The following AGBL1 variants were observed in gnomAD, a reference collection of about 807,000 sequenced individuals.
AGBL1 encodes AGBL carboxypeptidase 1.
Under a neutral mutation model 118.9 loss-of-function variants are expected in AGBL1, and 130 were observed. That is an observed-to-expected ratio of 1.09 (90% CI 0.95 to 1.26). The LOEUF (loss-of-function observed/expected upper bound fraction) is 1.26, where lower values mean the gene tolerates loss of function less well. AGBL1 is among the 50% of genes most tolerant of loss of function. The pLI, the probability that AGBL1 is intolerant of heterozygous loss-of-function variation, is 0.00. For missense variants in AGBL1, 1,584 were observed against 1,298.1 expected, an observed-to-expected ratio of 1.22 and a Z score of -3.38; for synonymous variants, 555 against 478.9, an observed-to-expected ratio of 1.16 and a Z score of -2.08.
chr15:86,976,724 G>A (rs2081179559), intron 23 of AGBL1, among the ~76,000 whole-genome samples: 1 of 151,294 alleles, frequency 6.6e-6, no homozygotes, highest in African/African-American at 2.4e-5. Flanking sequence ...GACAAAATTT[G>A]TAGATTTTTT....
intron 21 of AGBL1, among the ~76,000 whole-genome samples, chr15:86,673,690 T>C (rs1167909595): frequency 4.6e-5 from 7 of 152,192 alleles, no homozygotes; most frequent in Non-Finnish European, 1.0e-4. Context: ...GTTATTATTA[T>C]CTGTTTCTTC....
At chr15:86,992,028 C>T (rs1475792257) in intron 24 of AGBL1, among the ~76,000 whole-genome samples, 1 of 152,104 alleles carries the variant, frequency 6.6e-6, no homozygotes, top group Non-Finnish European at 1.5e-5. Context: ...TTAATTGGCT[C>T]CTAATTCTAC....
At chr15:86,895,524 T>A (rs151290373) in intron 22 of AGBL1, among the ~76,000 whole-genome samples, 3 of 152,054 alleles carry the variant, frequency 2.0e-5, no homozygotes, top group Admixed American at 6.5e-5. Flanking sequence ...TATTTACTCA[T>A]GCAAAAGAAA....
intron 21 of AGBL1, among the ~76,000 whole-genome samples, chr15:86,611,696 A>G (rs1411655995): frequency 1.7e-5 from 2 of 120,730 alleles, no homozygotes; most frequent in African/African-American, 6.3e-5. Flanking sequence ...GACAACGTAC[A>G]TTTCTGTGGG....
intron 22 of AGBL1, among the ~76,000 whole-genome samples, chr15:86,682,404 G>A (rs557711723): frequency 2.6e-5 from 4 of 152,238 alleles, no homozygotes; most frequent in African/African-American, 7.2e-5. Flanking sequence ...ATTTTATGCT[G>A]ATTCTTCTAT....
At chr15:86,148,625 T>G (rs1485444564) in intron 3 of AGBL1, among the ~76,000 whole-genome samples, 9 of 152,138 alleles carry the variant, frequency 5.9e-5, no homozygotes, top group Non-Finnish European at 1.2e-4. Flanking sequence ...TATGGGACTA[T>G]GTGAAAATAC....
At chr15:86,827,958 T>TTTTTTTTTTTTTTTTTTTTTTTTTTTTA (rs2079054035) in intron 22 of AGBL1, among the ~76,000 whole-genome samples, 4 of 134,022 alleles carry the variant, frequency 3.0e-5, no homozygotes, top group East Asian at 2.3e-4. Context: ...TTTTTTTTTT[T>TTTTTTTTTTTTTTTTTTTTTTTTTTTTA]GAGACAGTAT....
chr15:86,868,363 C>CT (rs955261055), intron 22 of AGBL1, among the ~76,000 whole-genome samples: 18 of 152,192 alleles, frequency 1.2e-4, no homozygotes, highest in Non-Finnish European at 2.1e-4. Context: ...ACTGTAACCT[C>CT]TTGGGTCTTT....
intron 22 of AGBL1, among the ~76,000 whole-genome samples, chr15:86,756,844 A>G (rs1024253815): frequency 6.6e-6 from 1 of 152,072 alleles, no homozygotes; most frequent in Non-Finnish European, 1.5e-5. Context: ...GATAATTGGA[A>G]GACACTTAAG....
chr15:86,277,169 T>C (rs2079267301), intron 15 of AGBL1, among the ~76,000 whole-genome samples: 1 of 149,034 alleles, frequency 6.7e-6, no homozygotes, highest in Non-Finnish European at 1.5e-5. Flanking sequence ...TTTTTGGAAT[T>C]CCAGCAGTGT....
At chr15:86,446,885 C>G (rs2082127326) in intron 18 of AGBL1, among the ~76,000 whole-genome samples, 1 of 152,112 alleles carries the variant, frequency 6.6e-6, no homozygotes, top group South Asian at 2.1e-4. Flanking sequence ...TATTTTATAT[C>G]CTTTAAATGT....
At chr15:86,130,307 T>TC (rs903984982) in intron 1 of AGBL1, among the ~76,000 whole-genome samples, 1 of 152,158 alleles carries the variant, frequency 6.6e-6, no homozygotes, top group Non-Finnish European at 1.5e-5. Context: ...AATGGAAAGT[T>TC]GGCTTCTTTT....
At chr15:86,383,842 T>C (rs2081146367) in intron 17 of AGBL1, among the ~76,000 whole-genome samples, 1 of 152,042 alleles carries the variant, frequency 6.6e-6, no homozygotes, top group South Asian at 2.1e-4. Context: ...TTCAGGCAAA[T>C]AATGTGGGAA....
intron 18 of AGBL1, among the ~76,000 whole-genome samples, chr15:86,428,730 G>T (rs1326946920): frequency 6.6e-6 from 1 of 152,182 alleles, no homozygotes; most frequent in Non-Finnish European, 1.5e-5. Context: ...ATATCTGAAG[G>T]TCATTAATTG....
chr15:86,520,761 G>A (rs2083179553), intron 18 of AGBL1, among the ~76,000 whole-genome samples: 1 of 152,182 alleles, frequency 6.6e-6, no homozygotes, highest in Non-Finnish European at 1.5e-5. Context: ...TCCAGGTCAA[G>A]GCAAGGAGAA....
chr15:86,712,738 A>C (rs371894625), intron 22 of AGBL1, among the ~76,000 whole-genome samples: 2 of 152,318 alleles, frequency 1.3e-5, no homozygotes, highest in East Asian at 3.9e-4. Context: ...ACAACAAGGC[A>C]TCTGGTCCAA....
intron 18 of AGBL1, among the ~76,000 whole-genome samples, chr15:86,450,150 A>G (rs906071172): frequency 6.6e-6 from 1 of 152,260 alleles, no homozygotes; most frequent in Admixed American, 6.5e-5. Context: ...TTGTTGCATA[A>G]AGCCATTCAG....
intron 21 of AGBL1, among the ~76,000 whole-genome samples, chr15:86,640,020 A>T (rs1298985201): frequency 6.6e-6 from 1 of 152,284 alleles, no homozygotes; most frequent in Non-Finnish European, 1.5e-5. Context: ...GACTGGTGTG[A>T]TTGAAAGAGA....
chr15:86,146,978 C>T (rs1179558890), intron 3 of AGBL1, among the ~76,000 whole-genome samples: 1 of 152,176 alleles, frequency 6.6e-6, no homozygotes, highest in Non-Finnish European at 1.5e-5. Flanking sequence ...ATGATTTAGA[C>T]ATCACCCATT....
Sources: allele counts gnomAD v4.1 joint callset (sites outside exome capture counted in the v4.1 genomes callset), GRCh38; gene constraint gnomAD v4.1.1; transcripts MANE v1.5; gene names NCBI Gene and HGNC (gene_info 2026-07-23, HGNC 2026-07-21).